Variants in SLC30A10 observed in about 807,000 individuals in gnomAD.
The protein encoded by SLC30A10 is solute carrier family 30 member 10.
SLC30A10 carries 8 observed loss-of-function variants against 21.7 expected under a neutral mutation model. The ratio of observed to expected loss-of-function variants is 0.37; its 90% CI spans 0.22 to 0.67. The LOEUF (loss-of-function observed/expected upper bound fraction) is 0.67, where lower values mean the gene tolerates loss of function less well. SLC30A10 is among the 30% of genes least tolerant of loss of function. SLC30A10 has a pLI of 0.58. For synonymous variants in SLC30A10, 272 were observed against 279.4 expected (o/e 0.97, Z 0.26); for missense variants, 521 against 642.5 (o/e 0.81, Z 2.04).
At chr1:219,934,504 G>A (rs1236271556) in intron 1 of SLC30A10, among the ~76,000 whole-genome samples, 1 of 151,920 alleles carries the variant, frequency 6.6e-6, no homozygotes, top group Admixed American at 6.6e-5. Context: ...AAAGACAATA[G>A]TTCCACATAT....
chr1:219,921,119 A>G (rs931621198), intron 2 of SLC30A10, among the ~76,000 whole-genome samples: 6 of 152,378 alleles, frequency 3.9e-5, no homozygotes, highest in African/African-American at 1.4e-4. Flanking sequence ...AGGCTTGTAT[A>G]CAAAATGTTG....
intron 1 of SLC30A10, among the ~76,000 whole-genome samples, chr1:219,948,482 G>T (rs1660221819): frequency 6.6e-6 from 1 of 152,124 alleles, no homozygotes; most frequent in Non-Finnish European, 1.5e-5. Flanking sequence ...TCTGATTTTT[G>T]ACAAACCTGA....
chr1:219,911,149 G>GTTTTTTTTTTTTTTTTT lies in SLC30A10; in HGVS notation c.*4283_*4299dup. Among the ~76,000 whole-genome samples, 13 of 49,416 alleles carry GTTTTTTTTTTTTTTTTT rather than the reference G, an allele frequency of 2.6e-4. 1 individual carries two copies. Among genetic ancestry groups the GTTTTTTTTTTTTTTTTT allele is most frequent in the African/African-American group, 4.7e-4 (8 of 17,174 alleles). The allele number at this position is 49,416 out of a possible 152,430, so 32.4% of individuals were successfully genotyped here. ...ATGTTTCTTCATTTTTTCTACATCAGTTTTTTTTTTTTTTTTTTTTTTTTT... is the reference window on the plus strand; with the variant it reads ...ATGTTTCTTCATTTTTTCTACATCAGTTTTTTTTTTTTTTTTTTTTTTTTTTTTTTTTTTTTTTTTTT... On this transcript the variant is annotated 3_prime_UTR_variant, in exon 4 of 4. Transcript: ENST00000366926.
In SLC30A10 at chr1:219,928,003, C is replaced by T. The variant is rs1451866667; in HGVS notation, c.438G>A (p.Arg146=). 1.3e-6 allele frequency: 2 copies of T among 1,561,490 alleles called. No individual in the cohort carries two copies. The highest frequency in any genetic ancestry group is 8.7e-7 in the Non-Finnish European group (1 of 1,154,422). The change falls in exon 1 of 4, where the codon CGG becomes CGA. Residue 146 remains arginine (R), a synonymous_variant. Coordinates refer to ENST00000366926, the MANE Select transcript of SLC30A10 (RefSeq NM_018713.3). The surrounding 1 kb of genome is among the most constrained non-coding windows in gnomAD (Gnocchi z 6.3). ...GCTGCTGCAGGCGGCGACTGCGTCC[C>T]CGGAGGCAGCACGCGAACCAGGCGG... ...DCAAWFACCL[R]GRSRRLQQRQ... is the part of the protein sequence containing the mutation.
At chr1:219,919,010 A>C (rs1008798079) in intron 2 of SLC30A10, 2 of 152,372 alleles carry the variant, frequency 1.3e-5, no homozygotes, top group Non-Finnish European at 2.9e-5. Flanking sequence ...GTGGTCATTT[A>C]AATGGCATTT....
At chr1:219,916,675 A>G (rs1411517333) in intron 3 of SLC30A10, among the ~76,000 whole-genome samples, 2 of 152,196 alleles carry the variant, frequency 1.3e-5, no homozygotes, top group African/African-American at 4.8e-5. Flanking sequence ...ATACTTTCCA[A>G]AATGAGTATG....
At chr1:219,957,995 C>A (rs1660375360) in intron 1 of SLC30A10, among the ~76,000 whole-genome samples, 1 of 152,142 alleles carries the variant, frequency 6.6e-6, no homozygotes, top group Admixed American at 6.5e-5. Context: ...ATTTTCCTTT[C>A]AAAAACTAGC....
chr1:219,951,209 C>A (rs113326265), intron 1 of SLC30A10, among the ~76,000 whole-genome samples: 5,612 of 151,900 alleles, frequency 0.037, 275 homozygotes, highest in African/African-American at 0.11. Context: ...AATCCACCCA[C>A]TTCAGCCTCC....
In SLC30A10 at chr1:219,937,490, A is replaced by G. The variant is rs1271070132; in HGVS notation, n.81-10385T>C. Among the ~76,000 whole-genome samples the G allele has an allele frequency of 2.6e-5, 4 of 152,168 alleles. No individual in the cohort carries two copies. The East Asian group carries it at 7.7e-4, about 29-fold the overall frequency. ...GCTGCATGTCTGCTCTTTGTTTTCC[A>G]TATCTATTATCTGTCTTCCAGTTGC... On this transcript the variant is annotated intron_variant and non_coding_transcript_variant, in intron 1 of 8. Transcript: ENST00000484239.
At chr1:219,921,304 T>G (rs1048445992) in intron 2 of SLC30A10, among the ~76,000 whole-genome samples, 3 of 152,198 alleles carry the variant, frequency 2.0e-5, no homozygotes, top group African/African-American at 7.2e-5. Flanking sequence ...TGGCTGGTAC[T>G]CTCTTCATTT....
intron 2 of SLC30A10, among the ~76,000 whole-genome samples, chr1:219,921,808 T>A (rs1258916874): frequency 6.6e-6 from 1 of 151,956 alleles, no homozygotes; most frequent in African/African-American, 2.4e-5. Flanking sequence ...CATGCAAAGA[T>A]GAAGAAGGCC....
At chr1:219,925,651 A>ATATTTTTTTTTT (rs1317554458) in intron 2 of SLC30A10, among the ~76,000 whole-genome samples, 4 of 48,284 alleles carry the variant, frequency 8.3e-5, no homozygotes, top group African/African-American at 4.7e-4. Context: ...ATATATATAT[A>ATATTTTTTTTTT]TTTTTTTTTT....
intron 1 of SLC30A10, among the ~76,000 whole-genome samples, chr1:219,956,634 G>A (rs144116986): frequency 1.4e-3 from 210 of 146,130 alleles, no homozygotes; most frequent in African/African-American, 4.8e-3. Flanking sequence ...CCAACATGGC[G>A]AAACCCTGTC....
intron 1 of SLC30A10, among the ~76,000 whole-genome samples, chr1:219,949,592 T>G (rs577207874): frequency 6.6e-6 from 1 of 152,012 alleles, no homozygotes; most frequent in Admixed American, 6.6e-5. Flanking sequence ...GAACATCACA[T>G]TCTGGGGACT....
intron 2 of SLC30A10, among the ~76,000 whole-genome samples, chr1:219,921,349 G>A (rs1034395016): frequency 6.6e-6 from 1 of 152,112 alleles, no homozygotes; most frequent in African/African-American, 2.4e-5. Flanking sequence ...GAATACATAA[G>A]TAACTTGTCC....
At position 219,911,526 on chromosome 1, in the gene SLC30A10, AAGAGTGAG is replaced by A. The variant is rs1272909169; in HGVS notation, c.*3915_*3922del. On this transcript the variant is annotated 3_prime_UTR_variant, in exon 4 of 4. Transcript: ENST00000366926. ...TCAGGAGTTAAAGAGATCAGCACAG[AAGAGTGAG>A]ACCAAATGCTTTTTCTTCATTTCAT... 1.3e-5 allele frequency among the ~76,000 whole-genome samples: 2 copies of A among 152,104 alleles called. No individual in the cohort carries two copies. Among genetic ancestry groups the A allele is most frequent in the Non-Finnish European group, 2.9e-5 (2 of 68,028 alleles).
intron 1 of SLC30A10, among the ~76,000 whole-genome samples, chr1:219,940,455 A>G (rs77262852): frequency 1.3e-5 from 2 of 152,158 alleles, no homozygotes; most frequent in African/African-American, 4.8e-5. Context: ...ATTCTAGCCC[A>G]CTGAACCCCT....
In SLC30A10 at chr1:219,928,519, G is replaced by T. The variant is rs1036120261; in HGVS notation, c.-79C>A. On this transcript the variant is annotated 5_prime_UTR_variant, in exon 1 of 4. Coordinates refer to ENST00000366926, the MANE Select transcript of SLC30A10 (RefSeq NM_018713.3). This position sits in a 1 kb window ranked among gnomAD's most constrained non-coding sequence, Gnocchi z 6.3. ...GCGCGCAGCCACAGGTGGGGGGCGC[G>T]GCGCGGATCCGTGAGGCCCGGTACC... The T allele has an allele frequency of 8.8e-5, 117 of 1,328,404 alleles. No individual in the cohort carries two copies. Among genetic ancestry groups the T allele is most frequent in the African/African-American group, 5.0e-4 (32 of 64,422 alleles). 82.3% of individuals were successfully genotyped at this position (1,328,404 alleles called of 1,614,324 possible).
intron 1 of SLC30A10, 72 bp downstream of exon 1, chr1:219,927,729 G>A (rs1182796329): frequency 2.7e-5 from 37 of 1,360,486 alleles, no homozygotes; most frequent in Middle Eastern, 1.9e-4. Flanking sequence ...AGGGCGTGGG[G>A]TGAGAAGAAA....
Sources: gnomAD v4.1 joint callset for allele counts (sites outside exome capture counted in the v4.1 genomes callset) on GRCh38, gnomAD v4.1.1 for gene constraint, Gnocchi (gnomAD v3.1) non-coding constraint, MANE v1.5 for transcripts, NCBI Gene and HGNC (gene_info 2026-07-23, HGNC 2026-07-21) for gene names.